COL22A1: variants seen among roughly 807,000 people sequenced by gnomAD.
The protein encoded by COL22A1 is collagen alpha-1(XXII) chain.
In COL22A1, 221 loss-of-function variants were observed where a neutral mutation model predicts 248.9. The ratio of observed to expected loss-of-function variants is 0.89; its 90% CI spans 0.80 to 0.99. COL22A1 has a LOEUF of 0.99. COL22A1 is among the 50% of genes least tolerant of loss of function. The probability of loss-of-function intolerance (pLI) is 0.00; values close to 1 mark genes in which losing one functional copy is unlikely to be tolerated. For missense variants in COL22A1, 2,240 were observed against 2,179.0 expected (o/e 1.03, Z -0.56); for synonymous variants, 891 against 793.4 (o/e 1.12, Z -2.07).
intron 16 of COL22A1, among the ~76,000 whole-genome samples, chr8:138,771,579 C>T (rs755932877): frequency 1.8e-4 from 27 of 152,218 alleles, no homozygotes; most frequent in African/African-American, 2.9e-4. Flanking sequence ...GCTGGAAAAA[C>T]GTCCAACGCT....
At chr8:138,834,241 C>A (rs889652889) in intron 4 of COL22A1, among the ~76,000 whole-genome samples, 3 of 151,910 alleles carry the variant, frequency 2.0e-5, no homozygotes, top group Non-Finnish European at 2.9e-5. Context: ...CCTGTGCCCC[C>A]CCAGGGATAA....
At chr8:138,778,474 T>A (rs1814677683) in intron 14 of COL22A1, 68 bp from the exon 15 acceptor site, 2 of 1,400,548 alleles carry the variant, frequency 1.4e-6, no homozygotes. Flanking sequence ...GCCGTACAGC[T>A]CAGCCAGTCC....
intron 1 of COL22A1, among the ~76,000 whole-genome samples, chr8:138,904,489 C>T (rs1297830224): frequency 6.6e-6 from 1 of 152,130 alleles, no homozygotes; most frequent in Non-Finnish European, 1.5e-5. Context: ...CTGCCTCACC[C>T]ATCAGTACAA....
intron 35 of COL22A1, among the ~76,000 whole-genome samples, chr8:138,691,246 T>A (rs573026503): frequency 1.3e-5 from 2 of 152,198 alleles, no homozygotes; most frequent in African/African-American, 4.8e-5. Flanking sequence ...AAAGGAAACA[T>A]TGAAAAATGA....
Position 138,715,732 on chromosome 8 carries a change from C to T in COL22A1, c.2467G>A (p.Glu823Lys), listed in dbSNP as rs1057469354. 12 of 1,609,664 alleles carry T rather than the reference C, an allele frequency of 7.5e-6. No individual in the cohort carries two copies. The African/African-American group carries it at 1.6e-4, about 22-fold the overall frequency. Residue 823 changes from glutamate (E) to lysine (K), a missense_variant, in exon 30 of 65, where the codon GAA becomes AAA. By Grantham distance (56) the Glu-to-Lys change is moderately conservative. Coordinates refer to ENST00000303045, the MANE Select transcript of COL22A1 (RefSeq NM_152888.3). The part of the protein sequence containing the change: ...GVRGEKGDQG[E>K]KGELGLPGLK... The stretch of plus-strand genomic sequence containing the variant: ...CCTGGAAGTCCCAGTTCACCTTTTT[C>T]TCCCTATAATAAAAGATAAAATTAG...
chr8:138,640,164 T>A (rs535347141), intron 47 of COL22A1, among the ~76,000 whole-genome samples: 1 of 152,342 alleles, frequency 6.6e-6, no homozygotes, highest in Non-Finnish European at 1.5e-5. Context: ...TATTCAATAA[T>A]AAAATTGTTT....
intron 10 of COL22A1, among the ~76,000 whole-genome samples, chr8:138,804,173 C>T (rs1269949621): frequency 1.3e-5 from 2 of 152,288 alleles, no homozygotes; most frequent in East Asian, 3.9e-4. Context: ...CACAACTGGG[C>T]CTTGCACCTG....
At chr8:138,731,412 C>G (rs1010771846) in intron 23 of COL22A1, among the ~76,000 whole-genome samples, 1 of 152,096 alleles carries the variant, frequency 6.6e-6, no homozygotes, top group African/African-American at 2.4e-5. Flanking sequence ...AGAAGGCAGC[C>G]AGCGCCAGCA....
chr8:138,902,741 C>T lies in COL22A1; in HGVS notation c.-73+10878G>A, dbSNP rs866861327. 4.9e-3 allele frequency among the ~76,000 whole-genome samples: 479 copies of T among 98,246 alleles called. 3 individuals carry two copies. The highest frequency in any genetic ancestry group is 0.017 in the African/African-American group (385 of 23,234). 64.5% of individuals were successfully genotyped at this position (98,246 alleles called of 152,430 possible). A position where few individuals can be genotyped will look rare whatever the true frequency, so the allele number is the denominator to read the frequency against. On this transcript the variant is annotated intron_variant, in intron 1 of 64. Coordinates refer to ENST00000303045, the MANE Select transcript of COL22A1 (RefSeq NM_152888.3). ...AAATTTATAAATATATATATATATA[C>T]ACACACACACACACACACACACACA...
intron 3 of COL22A1, among the ~76,000 whole-genome samples, chr8:138,867,807 G>T (rs984642309): frequency 1.3e-5 from 2 of 152,132 alleles, no homozygotes; most frequent in Admixed American, 6.6e-5. Flanking sequence ...CTACTCTGTC[G>T]CCAGACTGGA....
chr8:138,786,484 A>G (rs1043886059), intron 12 of COL22A1, among the ~76,000 whole-genome samples: 1 of 152,162 alleles, frequency 6.6e-6, no homozygotes, highest in African/African-American at 2.4e-5. Context: ...TAACTCAAAT[A>G]TTTCATTAGT....
intron 48 of COL22A1, among the ~76,000 whole-genome samples, chr8:138,635,483 G>A (rs1821079175): frequency 6.6e-6 from 1 of 152,098 alleles, no homozygotes; most frequent in African/African-American, 2.4e-5. Context: ...GAAACACAAT[G>A]TACACAATGG....
chr8:138,725,439 C>T lies in COL22A1; in HGVS notation c.2141G>A (p.Gly714Asp). The change falls in exon 24 of 65, where the codon GGC becomes GAC. Residue 714 changes from glycine (G) to aspartate (D), a missense_variant and splice_region_variant. By Grantham distance (94) the Gly-to-Asp change is moderately conservative (BLOSUM62 -1). Transcript: ENST00000303045. The part of the protein sequence containing the change: ...PGIPGLLGLQ[G>D]PPGPPGVPGP... ...TGGGACACCAGGGGGTCCTGGAGGG[C>T]CCTGTAGAGAAAGAGCATTTGGTGG... The T allele has an allele frequency of 6.2e-7, 1 of 1,613,132 alleles. No individual in the cohort carries two copies.
chr8:138,719,944 G>A (rs1829744725), intron 27 of COL22A1, among the ~76,000 whole-genome samples: 1 of 152,172 alleles, frequency 6.6e-6, no homozygotes, highest in South Asian at 2.1e-4. Flanking sequence ...TCTCCTGTCT[G>A]GCCACTGTCT....
At chr8:138,629,739 C>T (rs929422557) in intron 50 of COL22A1, among the ~76,000 whole-genome samples, 3 of 152,208 alleles carry the variant, frequency 2.0e-5, no homozygotes, top group Admixed American at 2.0e-4. Context: ...GGGACTCTGA[C>T]CTCCTCCTTT....
intron 59 of COL22A1, among the ~76,000 whole-genome samples, chr8:138,602,926 C>T (rs547489565): frequency 3.3e-5 from 5 of 152,224 alleles, no homozygotes; most frequent in Non-Finnish European, 5.9e-5. Context: ...TCTTTCTCCC[C>T]AGATATGATG....
At chr8:138,644,393 C>T (rs147656097) in intron 47 of COL22A1, among the ~76,000 whole-genome samples, 100 of 152,264 alleles carry the variant, frequency 6.6e-4, no homozygotes, top group African/African-American at 2.2e-3. Flanking sequence ...GCTGCCACCA[C>T]TGTGACCGTA....
At chr8:138,613,540 C>T (rs891411500) in intron 56 of COL22A1, among the ~76,000 whole-genome samples, 2 of 152,184 alleles carry the variant, frequency 1.3e-5, no homozygotes, top group Admixed American at 6.5e-5. Flanking sequence ...ACAGCAGCCT[C>T]GGGAAACTAA....
At chr8:138,638,214 AGT>A (rs1302053640) in intron 47 of COL22A1, among the ~76,000 whole-genome samples, 10 of 152,222 alleles carry the variant, frequency 6.6e-5, no homozygotes, top group Admixed American at 5.9e-4. Flanking sequence ...TGTGTTAATA[AGT>A]GTGTTTCAGC....
Sources: allele counts gnomAD v4.1 joint callset (sites outside exome capture counted in the v4.1 genomes callset), GRCh38; gene constraint gnomAD v4.1.1; transcripts MANE v1.5; gene names NCBI Gene and HGNC (gene_info 2026-07-23, HGNC 2026-07-21).